LINGO2: variants seen among roughly 807,000 people sequenced by gnomAD.
The protein encoded by LINGO2 is leucine-rich repeat and immunoglobulin-like domain-containing nogo receptor-interacting protein 2.
In LINGO2, 14 loss-of-function variants were observed where a neutral mutation model predicts 30.6. The observed-to-expected ratio is 0.46, with a 90% CI of 0.30 to 0.72. LINGO2 has a LOEUF of 0.72. Ranked by LOEUF, LINGO2 falls within the 30% of genes least tolerant of loss-of-function variation. LINGO2 has a pLI of 0.07. For synonymous variants in LINGO2, 317 were observed against 288.5 expected (o/e 1.10, Z -1.00); for missense variants, 729 against 751.7 (o/e 0.97, Z 0.35).
the LINGO2 span, among the ~76,000 whole-genome samples, chr9:28,723,473 T>G: frequency 1.3e-5 from 2 of 152,166 alleles, no homozygotes; most frequent in African/African-American, 2.4e-5. Context: ...AGGAAAATTC[T>G]ATATTCCTTG....
chr9:28,461,172 A>T (rs997622621), intron 2 of LINGO2, among the ~76,000 whole-genome samples: 2 of 152,192 alleles, frequency 1.3e-5, no homozygotes, highest in African/African-American at 4.8e-5. Context: ...TGGAAATTGA[A>T]GTTGATTCTA....
chr9:28,835,216 T>C, the LINGO2 span, among the ~76,000 whole-genome samples: 2 of 152,148 alleles, frequency 1.3e-5, no homozygotes, highest in Non-Finnish European at 2.9e-5. Context: ...AACAAAAGAT[T>C]CTTGATATAT....
intron 4 of LINGO2, among the ~76,000 whole-genome samples, chr9:28,282,722 A>G (rs1823371677): frequency 6.6e-6 from 1 of 152,020 alleles, no homozygotes; most frequent in Non-Finnish European, 1.5e-5. Context: ...ACTTTCTAGG[A>G]GGTATGGGTT....
intron 2 of LINGO2, among the ~76,000 whole-genome samples, chr9:28,410,214 A>G (rs943801415): frequency 6.6e-6 from 1 of 152,046 alleles, no homozygotes; most frequent in Non-Finnish European, 1.5e-5. Context: ...TAGAGGTTAT[A>G]ATTTGATTCA....
chr9:28,734,072 CTCTA>C, the LINGO2 span, among the ~76,000 whole-genome samples: 1 of 152,086 alleles, frequency 6.6e-6, no homozygotes, highest in African/African-American at 2.4e-5. Context: ...TTTTCTCTCT[CTCTA>C]TATATATATA....
the LINGO2 span, among the ~76,000 whole-genome samples, chr9:28,720,623 A>G: frequency 3.3e-5 from 5 of 152,090 alleles, no homozygotes; most frequent in Non-Finnish European, 7.4e-5. Context: ...GGAAAAAAGG[A>G]AGTAAGAATA....
At chr9:29,006,306 C>T in the LINGO2 span, among the ~76,000 whole-genome samples, 1 of 151,848 alleles carries the variant, frequency 6.6e-6, no homozygotes, top group Admixed American at 6.6e-5. Flanking sequence ...AGAACACGGC[C>T]AGAGAAGGGC....
chr9:28,054,064 C>CAAAAAAAAAAAAAAAAAAAAAAAA (rs11461978), intron 4 of LINGO2, among the ~76,000 whole-genome samples: 1 of 149,084 alleles, frequency 6.7e-6, no homozygotes, highest in African/African-American at 2.5e-5. Flanking sequence ...AGCTAGCAGA[C>CAAAAAAAAAAAAAAAAAAAAAAAA]AAAAAAAAAG....
chr9:29,164,825 T>C, the LINGO2 span, among the ~76,000 whole-genome samples: 2 of 152,194 alleles, frequency 1.3e-5, no homozygotes, highest in African/African-American at 4.8e-5. Context: ...AATTATCTTA[T>C]TGCTGACACT....
At chr9:28,006,388 GGA>G (rs1358752875) in intron 5 of LINGO2, among the ~76,000 whole-genome samples, 8 of 152,080 alleles carry the variant, frequency 5.3e-5, no homozygotes, top group African/African-American at 1.9e-4. Context: ...GAGGAATAGT[GGA>G]GATTGCCTTT....
At chr9:28,341,281 G>T (rs1040810748) in intron 3 of LINGO2, among the ~76,000 whole-genome samples, 1 of 151,920 alleles carries the variant, frequency 6.6e-6, no homozygotes, top group Admixed American at 6.6e-5. Context: ...AGGTGTTTTG[G>T]CAATCTAATA....
At chr9:28,987,179 T>C in the LINGO2 span, among the ~76,000 whole-genome samples, 1 of 151,150 alleles carries the variant, frequency 6.6e-6, no homozygotes, top group Non-Finnish European at 1.5e-5. Flanking sequence ...GATTCTGGGC[T>C]TTTCTGTGAT....
chr9:28,937,844 T>C, the LINGO2 span, among the ~76,000 whole-genome samples: 16 of 152,234 alleles, frequency 1.1e-4, no homozygotes, highest in African/African-American at 3.1e-4. Context: ...GTTTGTTACA[T>C]AGGTAACATG....
In LINGO2 at chr9:28,654,251, A is replaced by G. The variant is rs535157643; in HGVS notation, c.-365+15949T>C. Among the ~76,000 whole-genome samples, 4 of 152,288 alleles carry G rather than the reference A, an allele frequency of 2.6e-5. 1 individual carries two copies. The highest frequency in any genetic ancestry group is 4.8e-5 in the African/African-American group (2 of 41,578). ...TAACAAATTATCTATGCAAAAATGC[A>G]TGGGTCATCCAAATCATTCCCCTAA... On this transcript the variant is annotated intron_variant, in intron 1 of 5. Coordinates refer to ENST00000379992, the Ensembl canonical transcript of LINGO2.
At chr9:28,587,289 C>T (rs1006323424) in intron 1 of LINGO2, among the ~76,000 whole-genome samples, 11 of 151,960 alleles carry the variant, frequency 7.2e-5, no homozygotes, top group African/African-American at 2.7e-4. Flanking sequence ...ACTGCAGGTA[C>T]CATTCCTATG....
At chr9:28,282,633 T>C (rs1823368029) in intron 4 of LINGO2, among the ~76,000 whole-genome samples, 1 of 152,114 alleles carries the variant, frequency 6.6e-6, no homozygotes, top group Non-Finnish European at 1.5e-5. Context: ...ACTGTGCTCT[T>C]TTGGCTTACA....
the LINGO2 span, among the ~76,000 whole-genome samples, chr9:29,170,629 T>C: frequency 6.6e-6 from 1 of 152,088 alleles, no homozygotes; most frequent in African/African-American, 2.4e-5. Context: ...ATGCACATTA[T>C]AGAAAAGTTT....
chr9:28,040,513 A>G (rs908014435), intron 4 of LINGO2, among the ~76,000 whole-genome samples: 1 of 74,376 alleles, frequency 1.3e-5, no homozygotes, highest in Admixed American at 1.3e-4. Flanking sequence ...TTTCCCCTCG[A>G]AAGGTTCATG....
the LINGO2 span, among the ~76,000 whole-genome samples, chr9:29,060,193 A>G: frequency 2.0e-5 from 3 of 152,056 alleles, no homozygotes; most frequent in Non-Finnish European, 4.4e-5. Context: ...AGAAAGTTAA[A>G]TTCAGAAAGT....
Sources: allele counts gnomAD v4.1 joint callset (sites outside exome capture counted in the v4.1 genomes callset), GRCh38; gene constraint gnomAD v4.1.1; transcripts MANE v1.5; gene names NCBI Gene and HGNC (gene_info 2026-07-23, HGNC 2026-07-21).